Variants in LSS observed in about 807,000 individuals in gnomAD.
The protein encoded by LSS is 2,3-epoxysqualene-lanosterol cyclase.
Under a neutral mutation model 110.3 loss-of-function variants are expected in LSS, and 90 were observed. The ratio of observed to expected loss-of-function variants is 0.82; its 90% CI spans 0.69 to 0.97. LSS has a LOEUF of 0.97. Among genes scored for constraint, LSS ranks in the 50% least tolerant of loss-of-function variants. The pLI is 0.00. For missense variants in LSS, 927 were observed against 990.0 expected, an observed-to-expected ratio of 0.94 and a Z score of 0.85; for synonymous variants, 433 against 400.0, an observed-to-expected ratio of 1.08 and a Z score of -0.98.
chr21:46,205,016 G>A (rs1368653932), intron 17 of LSS, among the ~76,000 whole-genome samples: 1 of 152,178 alleles, frequency 6.6e-6, no homozygotes, highest in Non-Finnish European at 1.5e-5. Flanking sequence ...ATGTAATCGT[G>A]ATAGGATAAA....
At position 46,194,792 on chromosome 21, in the gene LSS, TG is replaced by T. The variant is rs370155954; in HGVS notation, c.1818-132del. On this transcript the variant is annotated intron_variant, in intron 19 of 21. Coordinates refer to ENST00000397728, the MANE Select transcript of LSS (RefSeq NM_002340.6). ...ATGGGGCCACCCTACCTAAGGGCCA[TG>T]GGCCACTACTGAAACCCGAGCTTGA... 2.0e-4 allele frequency: 165 copies of T among 818,438 alleles called. No homozygotes were observed. In the African/African-American group the frequency reaches 2.7e-3, roughly 13 times the overall value. 50.7% of individuals were successfully genotyped at this position (818,438 alleles called of 1,614,324 possible).
Position 46,207,339 on chromosome 21 carries a change from T to C in LSS, c.1467+89A>G, listed in dbSNP as rs2080064258. 12 of 1,504,570 alleles carry C rather than the reference T, an allele frequency of 8.0e-6. No individual in the cohort carries two copies. In the East Asian group the frequency reaches 2.5e-4, roughly 32 times the overall value. 93.2% of individuals were successfully genotyped at this position (1,504,570 alleles called of 1,614,324 possible). On this transcript the variant is annotated intron_variant, in intron 15 of 21. Coordinates refer to ENST00000397728, the MANE Select transcript of LSS (RefSeq NM_002340.6). ...CCTACGGCCTGGCCGGACTGTGTGC[T>C]GGGCTGGAGCCCACAGGAGTGGAAG...
chr21:46,190,724 G>C lies in LSS; in HGVS notation c.*380C>G. On this transcript the variant is annotated 3_prime_UTR_variant, in exon 22 of 22. Transcript: ENST00000397728. This position sits in a 1 kb window ranked among gnomAD's most constrained non-coding sequence, Gnocchi z 4.6. ...AGCCCAGAGCCCACTCGACACTAAG[G>C]AATCACACAGGCACAGCTGCTCCTC... The C allele has an allele frequency of 4.5e-6, 1 of 223,150 alleles. No individual in the cohort carries two copies. Among genetic ancestry groups the C allele is most frequent in the South Asian group, 8.3e-5 (1 of 12,106 alleles). 13.8% of individuals were successfully genotyped at this position (223,150 alleles called of 1,614,324 possible). A position where few individuals can be genotyped will look rare whatever the true frequency, so the allele number is the denominator to read the frequency against.
intron 3 of LSS, among the ~76,000 whole-genome samples, chr21:46,223,379 G>A (rs183406105): frequency 3.3e-5 from 5 of 152,048 alleles, no homozygotes; most frequent in Admixed American, 2.0e-4. Flanking sequence ...TCAGCCATGT[G>A]CCCCCAGAGC....
At chr21:46,202,236 T>C (rs2079988101) in intron 17 of LSS, among the ~76,000 whole-genome samples, 1 of 142,572 alleles carries the variant, frequency 7.0e-6, no homozygotes, top group Non-Finnish European at 1.5e-5. Context: ...CTACTAAAAA[T>C]ACAAAAAATT....
chr21:46,200,364 CA>C (rs2079963718), intron 17 of LSS, among the ~76,000 whole-genome samples: 1 of 151,978 alleles, frequency 6.6e-6, no homozygotes, highest in Non-Finnish European at 1.5e-5. Context: ...AGGACGTTTA[CA>C]TAGTCTAAAA....
At chr21:46,199,412 G>A (rs1369287705) in intron 17 of LSS, among the ~76,000 whole-genome samples, 1 of 152,202 alleles carries the variant, frequency 6.6e-6, no homozygotes, top group Non-Finnish European at 1.5e-5. Context: ...ATCATTGCTG[G>A]TGGAAACGCA....
intron 20 of LSS, 150 bp downstream of exon 20, chr21:46,194,341 C>G: frequency 1.1e-6 from 1 of 923,224 alleles, no homozygotes; most frequent in Non-Finnish European, 1.6e-6. Context: ...GCATGTGGCT[C>G]TTGTAGGTGT....
At chr21:46,222,347 A>G (rs1043128258) in intron 4 of LSS, 10 of 537,406 alleles carry the variant, frequency 1.9e-5, no homozygotes, top group Non-Finnish European at 3.0e-5. Flanking sequence ...GTCAAGGGCA[A>G]TTTTCTTCTG....
Position 46,191,100 on chromosome 21 carries a change from G to A in LSS, c.*4C>T, listed in dbSNP as rs759062438. 2 of 1,614,080 alleles carry A rather than the reference G, an allele frequency of 1.2e-6. No homozygotes were observed. Among genetic ancestry groups the A allele is most frequent in the Admixed American group, 1.7e-5 (1 of 60,026 alleles). On this transcript the variant is annotated 3_prime_UTR_variant, in exon 22 of 22. Transcript: ENST00000397728. ...CAGACGGCACCCAGCAGGTAGGCAT[G>A]TTCTCAGGGGTGGCCAGCAAGGGCT... is the stretch of plus-strand genomic sequence containing the variant.
chr21:46,201,063 T>A (rs1392945063), intron 17 of LSS, among the ~76,000 whole-genome samples: 4 of 141,868 alleles, frequency 2.8e-5, no homozygotes, highest in Non-Finnish European at 6.0e-5. Context: ...GCCCTGAGGG[T>A]AGAGCCTGGA....
chr21:46,210,917 G>A (rs1205035742), intron 11 of LSS, among the ~76,000 whole-genome samples, 173 bp from the exon 12 acceptor site: 1 of 152,214 alleles, frequency 6.6e-6, no homozygotes, highest in East Asian at 1.9e-4. Context: ...GGGCCTCAGA[G>A]AAGGCTGAGC....
intron 11 of LSS, among the ~76,000 whole-genome samples, chr21:46,212,802 G>A (rs1043286705): frequency 1.6e-4 from 25 of 152,212 alleles, no homozygotes; most frequent in South Asian, 1.2e-3. Context: ...AGGGCAAAAA[G>A]CAAACAGGAC....
rs572332250 is a variant in LSS at position 46,208,989 on chromosome 21, C to T, written c.1266+565G>A. Among the ~76,000 whole-genome samples the T allele has an allele frequency of 8.5e-5, 13 of 152,160 alleles. No individual in the cohort carries two copies. The East Asian group carries it at 2.5e-3, about 29-fold the overall frequency. On this transcript the variant is annotated intron_variant, in intron 13 of 21. Coordinates refer to ENST00000397728, the MANE Select transcript of LSS (RefSeq NM_002340.6). ...GAGGGACACTGGCTGAGGCCGTGGC[C>T]GGGACAGGGTGTGGGAGACACGGGA...
Position 46,228,533 on chromosome 21 carries a change from G to C in LSS, c.81C>G (p.Leu27=), listed in dbSNP as rs1339543250. The change falls in exon 2 of 22, where the codon CTC becomes CTG. Residue 27 remains leucine (L), a synonymous_variant. Coordinates refer to ENST00000397728, the MANE Select transcript of LSS (RefSeq NM_002340.6). ...EPATDLGRWR[L]NCERGRQTWT... ...ACGTCTGCCGGCCCCTCTCGCAGTT[G>C]AGTCGCCAGCGGCCGAGGTCGGTGG... The C allele has an allele frequency of 1.3e-6, 2 of 1,599,750 alleles. No homozygotes were observed. The highest frequency in any genetic ancestry group is 1.1e-5 in the South Asian group (1 of 90,854).
intron 11 of LSS, 28 bp downstream of exon 11, chr21:46,212,997 C>A: frequency 6.2e-7 from 1 of 1,613,736 alleles, no homozygotes; most frequent in South Asian, 1.1e-5. Context: ...GCAAAGGAAG[C>A]ATGCAGCCGC....
chr21:46,211,828 C>G (rs777669903), intron 11 of LSS, among the ~76,000 whole-genome samples: 5 of 152,186 alleles, frequency 3.3e-5, no homozygotes, highest in African/African-American at 4.8e-5. Context: ...GAAAAGAGAC[C>G]ACGAGAGACG....
chr21:46,222,402 G>A (rs1033234340), intron 4 of LSS: 21 of 575,976 alleles, frequency 3.6e-5, no homozygotes, highest in Non-Finnish European at 5.6e-5. Context: ...TGGGTCTCAA[G>A]AGTGTCCTAA....
chr21:46,225,920 G>A (rs541789560), intron 3 of LSS, among the ~76,000 whole-genome samples: 5 of 152,148 alleles, frequency 3.3e-5, no homozygotes, highest in Non-Finnish European at 5.9e-5. Context: ...GGTCCCCCGG[G>A]CCCAGCTGTC....
Sources: gnomAD v4.1 joint callset for allele counts (sites outside exome capture counted in the v4.1 genomes callset) on GRCh38, gnomAD v4.1.1 for gene constraint, Gnocchi (gnomAD v3.1) non-coding constraint, MANE v1.5 for transcripts, NCBI Gene and HGNC (gene_info 2026-07-23, HGNC 2026-07-21) for gene names.